Variants in CUL1 observed in about 807,000 individuals in gnomAD.
CUL1 encodes the protein cullin-1.
Under a neutral mutation model 118.0 loss-of-function variants are expected in CUL1, and 24 were observed. The observed-to-expected ratio is 0.20, with a 90% CI of 0.15 to 0.29. The LOEUF is 0.29. Ranked by LOEUF, CUL1 falls within the 10% of genes least tolerant of loss-of-function variation. CUL1 has a pLI of 1.00. For synonymous variants in CUL1, 332 were observed against 340.4 expected (o/e 0.98, Z 0.27); for missense variants, 361 against 933.8 (o/e 0.39, Z 7.99).
At chr7:148,770,946 G>T (rs532329379) in intron 9 of CUL1, among the ~76,000 whole-genome samples, 20 of 152,316 alleles carry the variant, frequency 1.3e-4, no homozygotes, top group South Asian at 1.2e-3. Context: ...CATTGTACAT[G>T]ATTTTAAGTG....
chr7:148,703,595 T>C (rs1029519118), intron 1 of CUL1, among the ~76,000 whole-genome samples: 1 of 152,034 alleles, frequency 6.6e-6, no homozygotes, highest in African/African-American at 2.4e-5. Context: ...TGCAGTGGCG[T>C]GATCTCGGCT....
At chr7:148,794,214 T>A (rs774124144) in intron 17 of CUL1, among the ~76,000 whole-genome samples, 9 of 152,158 alleles carry the variant, frequency 5.9e-5, no homozygotes, top group Admixed American at 1.3e-4. Flanking sequence ...TACTTTCTTA[T>A]ATACACACAT....
rs1302808284 is a variant in CUL1 at position 148,786,434 on chromosome 7, T to C, written c.1299-117T>C. On this transcript the variant is annotated intron_variant, in intron 11 of 21. Transcript: ENST00000325222. ...AAGGAAAGTCAACCTTCCCTCTTCC[T>C]CTGCACTAATCTGATGAGAACTGAT... The C allele has an allele frequency of 7.8e-6, 6 of 766,074 alleles. No homozygotes were observed. In the African/African-American group the frequency reaches 1.0e-4, roughly 13 times the overall value. The allele number at this position is 766,074 out of a possible 1,614,324, so 47.5% of individuals were successfully genotyped here.
intron 20 of CUL1, 66 bp downstream of exon 20, chr7:148,798,743 G>A: frequency 7.7e-7 from 1 of 1,305,954 alleles, no homozygotes; most frequent in Non-Finnish European, 1.1e-6. Context: ...GCAAGGACGG[G>A]CCGTGGGGGG....
intron 1 of CUL1, among the ~76,000 whole-genome samples, chr7:148,700,334 AG>A (rs1797683148): frequency 6.6e-6 from 1 of 152,230 alleles, no homozygotes; most frequent in African/African-American, 2.4e-5. Flanking sequence ...ACCTAAGCAT[AG>A]CTTAACGCCT....
At chr7:148,775,770 T>C (rs1428688117) in intron 9 of CUL1, among the ~76,000 whole-genome samples, 6 of 152,024 alleles carry the variant, frequency 3.9e-5, no homozygotes, top group Admixed American at 3.9e-4. Flanking sequence ...GAAATTCGTA[T>C]GACCTTGCCT....
At chr7:148,704,530 A>G (rs961567384) in intron 1 of CUL1, among the ~76,000 whole-genome samples, 24 of 152,330 alleles carry the variant, frequency 1.6e-4, no homozygotes, top group Middle Eastern at 3.4e-3. Context: ...GTGTGCTGTT[A>G]TTTAACTAAT....
intron 2 of CUL1, among the ~76,000 whole-genome samples, chr7:148,753,742 C>T (rs1171303525): frequency 1.3e-5 from 2 of 152,102 alleles, no homozygotes; most frequent in Non-Finnish European, 2.9e-5. Flanking sequence ...TGGAATGTTC[C>T]CTTCTCCACC....
intron 19 of CUL1, among the ~76,000 whole-genome samples, 166 bp from the exon 20 acceptor site, chr7:148,798,406 A>C (rs1376103544): frequency 6.6e-6 from 1 of 152,078 alleles, no homozygotes; most frequent in Non-Finnish European, 1.5e-5. Context: ...ATCGGACTCT[A>C]CCCAGTGCTG....
intron 1 of CUL1, among the ~76,000 whole-genome samples, chr7:148,709,587 T>G (rs149170378): frequency 1.6e-4 from 25 of 152,358 alleles, no homozygotes; most frequent in African/African-American, 5.8e-4. Flanking sequence ...ACTTGAAGTA[T>G]AAGCTTAAAA....
Position 148,800,623 on chromosome 7 carries a change from G to C in CUL1, c.*41G>C, listed in dbSNP as rs761656417. Reference sequence around the variant, plus strand: ...CTGACTGTGTGACCCGCAGCAAATAGTTCATGTTGGAAAGAATGAAAACAA... The same window carrying C: ...CTGACTGTGTGACCCGCAGCAAATACTTCATGTTGGAAAGAATGAAAACAA... On this transcript the variant is annotated 3_prime_UTR_variant, in exon 22 of 22. Transcript: ENST00000325222. The surrounding 1 kb of genome is among the most constrained non-coding windows in gnomAD (Gnocchi z 4.6). 6.8e-7 allele frequency: 1 copy of C among 1,471,726 alleles called. No individual in the cohort carries two copies. Among genetic ancestry groups the C allele is most frequent in the South Asian group, 1.2e-5 (1 of 86,090 alleles). The allele number at this position is 1,471,726 out of a possible 1,614,324, so 91.2% of individuals were successfully genotyped here.
chr7:148,784,036 T>C lies in CUL1; in HGVS notation c.1257T>C (p.Pro419=). 1 of 1,613,974 alleles carries C rather than the reference T, an allele frequency of 6.2e-7. No individual in the cohort carries two copies. The highest frequency in any genetic ancestry group is 8.5e-7 in the Non-Finnish European group (1 of 1,179,806). ...TKMAQSSSKS[P]ELLARYCDSL... ...TGGCCCAATCATCCAGTAAATCCCC[T>C]GAGTTGCTGGCTCGATACTGTGACT... The change falls in exon 11 of 22, where the codon CCT becomes CCC. Residue 419 remains proline (P), a synonymous_variant. Coordinates refer to ENST00000325222, the MANE Select transcript of CUL1 (RefSeq NM_003592.3).
intron 1 of CUL1, among the ~76,000 whole-genome samples, chr7:148,721,101 G>T (rs994773724): frequency 6.6e-6 from 1 of 152,194 alleles, no homozygotes; most frequent in Non-Finnish European, 1.5e-5. Context: ...GAACTTTCCA[G>T]TCTCAGTTCT....
chr7:148,715,008 C>T (rs1333696567), intron 1 of CUL1, among the ~76,000 whole-genome samples: 6 of 152,188 alleles, frequency 3.9e-5, no homozygotes, highest in African/African-American at 1.4e-4. Flanking sequence ...GCCTCAGCCT[C>T]CCAAGTTGTA....
chr7:148,758,598 C>CA lies in CUL1; in HGVS notation c.484-705dup, dbSNP rs910364749. Among the ~76,000 whole-genome samples, 67 of 152,270 alleles carry CA rather than the reference C, an allele frequency of 4.4e-4. 1 individual carries two copies. Among genetic ancestry groups the CA allele is most frequent in the African/African-American group, 1.6e-3 (66 of 41,552 alleles). On this transcript the variant is annotated intron_variant, in intron 4 of 21. Coordinates refer to ENST00000325222, the MANE Select transcript of CUL1 (RefSeq NM_003592.3). ...TACCACTGGACTCTACCTTGAGTGA[C>CA]AGAGTGAGATCATGTCTCAAGAAAA...
chr7:148,730,368 A>T (rs984784853), intron 2 of CUL1, 106 bp downstream of exon 2: 8 of 1,260,190 alleles, frequency 6.3e-6, no homozygotes, highest in Non-Finnish European at 8.5e-6. Context: ...CCAGTTCATC[A>T]TGTAAAATAA....
At chr7:148,706,669 G>T (rs1797894644) in intron 1 of CUL1, among the ~76,000 whole-genome samples, 2 of 134,718 alleles carry the variant, frequency 1.5e-5, no homozygotes, top group Admixed American at 8.4e-5. Flanking sequence ...GGGTATGTGT[G>T]TTGGGGGTGG....
intron 7 of CUL1, among the ~76,000 whole-genome samples, chr7:148,763,652 T>A (rs953902754): frequency 7.2e-5 from 11 of 152,172 alleles, no homozygotes; most frequent in African/African-American, 2.4e-4. Context: ...GTGCTTAGAT[T>A]GGTGTGTGGC....
chr7:148,744,654 C>T (rs973359066), intron 2 of CUL1, among the ~76,000 whole-genome samples: 1 of 151,928 alleles, frequency 6.6e-6, no homozygotes, highest in Non-Finnish European at 1.5e-5. Context: ...TTAAACCATC[C>T]TTTGTATTTT....
Sources: allele counts gnomAD v4.1 joint callset (sites outside exome capture counted in the v4.1 genomes callset), GRCh38; gene constraint gnomAD v4.1.1; non-coding constraint Gnocchi (gnomAD v3.1); transcripts MANE v1.5; gene names NCBI Gene and HGNC (gene_info 2026-07-23, HGNC 2026-07-21).